The following RBFOX1 variants were observed in gnomAD, a reference collection of about 807,000 sequenced individuals.
RBFOX1 encodes RNA binding protein fox-1 homolog 1.
RBFOX1 carries 8 observed loss-of-function variants against 57.7 expected under a neutral mutation model. That is an observed-to-expected ratio of 0.14 (90% CI 0.08 to 0.25). RBFOX1 has a LOEUF of 0.25. RBFOX1 is among the 10% of genes least tolerant of loss of function. The pLI is 1.00. For synonymous variants in RBFOX1, 326 were observed against 222.4 expected (o/e 1.47, Z -4.15); for missense variants, 611 against 548.5 (o/e 1.11, Z -1.14).
At chr16:6,645,490 G>A (rs2098526382) in intron 2 of RBFOX1, among the ~76,000 whole-genome samples, 1 of 152,128 alleles carries the variant, frequency 6.6e-6, no homozygotes, top group African/African-American at 2.4e-5. Context: ...TGGCATCCTT[G>A]CATTGTGGGC....
At chr16:7,323,711 T>A (rs1197071612) in intron 4 of RBFOX1, among the ~76,000 whole-genome samples, 2 of 152,182 alleles carry the variant, frequency 1.3e-5, no homozygotes, top group Non-Finnish European at 2.9e-5. Flanking sequence ...AGATAACAGA[T>A]ACAATGAAAT....
chr16:6,898,892 G>C (rs1202877921), intron 3 of RBFOX1, among the ~76,000 whole-genome samples: 2 of 103,426 alleles, frequency 1.9e-5, no homozygotes, highest in African/African-American at 1.1e-4. Context: ...TAATACGTGT[G>C]TGCATCTCGT....
chr16:5,352,558 C>G (rs2065285802), intron 1 of RBFOX1, among the ~76,000 whole-genome samples: 1 of 152,156 alleles, frequency 6.6e-6, no homozygotes, highest in African/African-American at 2.4e-5. Flanking sequence ...TACATTTCAC[C>G]CTGAACGTTT....
At chr16:5,926,604 A>G (rs542146836) in intron 4 of RBFOX1, among the ~76,000 whole-genome samples, 2 of 152,288 alleles carry the variant, frequency 1.3e-5, no homozygotes, top group South Asian at 4.1e-4. Flanking sequence ...CCTTGGAAAA[A>G]TCACCTAAAT....
At chr16:7,402,789 C>G (rs2098267257) in intron 4 of RBFOX1, among the ~76,000 whole-genome samples, 1 of 152,158 alleles carries the variant, frequency 6.6e-6, no homozygotes, top group Non-Finnish European at 1.5e-5. Flanking sequence ...GGTGTAACCT[C>G]AACAGCAGGG....
In RBFOX1 at chr16:5,815,460, G is replaced by A. The variant is rs530818730; in HGVS notation, c.319-51843G>A. ...CTGTTGATCAGAAACCTCAGCCAGG[G>A]GTGCTAAGAAAAGAGCCTGAAAAAT... On this transcript the variant is annotated intron_variant, in intron 3 of 19. Coordinates refer to the RBFOX1 transcript ENST00000641259. 3.9e-5 allele frequency among the ~76,000 whole-genome samples: 6 copies of A among 152,070 alleles called. No homozygotes were observed. The South Asian group carries it at 1.2e-3, about 32-fold the overall frequency.
At chr16:7,639,693 G>C (rs973412398) in intron 11 of RBFOX1, among the ~76,000 whole-genome samples, 6 of 152,140 alleles carry the variant, frequency 3.9e-5, no homozygotes, top group African/African-American at 1.4e-4. Flanking sequence ...TTCACTGTTA[G>C]CACTGCCATT....
intron 3 of RBFOX1, among the ~76,000 whole-genome samples, chr16:6,926,400 G>A (rs1372487733): frequency 6.6e-6 from 1 of 152,180 alleles, no homozygotes. Context: ...TACCCACTGG[G>A]ATCCTCACCA....
chr16:6,483,398 T>C (rs1379740523), intron 2 of RBFOX1: 42 of 1,531,386 alleles, frequency 2.7e-5, no homozygotes, highest in Non-Finnish European at 3.7e-5. Context: ...ATGACTGGAG[T>C]CATTTACATT....
At chr16:7,172,308 G>A (rs1475019772) in intron 4 of RBFOX1, among the ~76,000 whole-genome samples, 2 of 152,066 alleles carry the variant, frequency 1.3e-5, no homozygotes, top group South Asian at 4.2e-4. Context: ...ATGCCCAGCA[G>A]TTTATCTCTT....
intron 1 of RBFOX1, among the ~76,000 whole-genome samples, chr16:6,076,480 T>G (rs913226423): frequency 6.6e-6 from 1 of 152,072 alleles, no homozygotes; most frequent in Admixed American, 6.6e-5. Context: ...TGTTTTTTTG[T>G]TTTTTGAGTT....
chr16:7,119,098 C>T (rs866767756), intron 4 of RBFOX1, among the ~76,000 whole-genome samples: 2 of 152,062 alleles, frequency 1.3e-5, no homozygotes, highest in African/African-American at 2.4e-5. Flanking sequence ...AAGCAACATG[C>T]GGAATCTAGG....
In RBFOX1 at chr16:7,701,027, T is replaced by C. The variant is rs185976246; in HGVS notation, c.996-8029T>C. Among the ~76,000 whole-genome samples, 475 of 152,074 alleles carry C rather than the reference T, an allele frequency of 3.1e-3. 3 individuals carry two copies. The highest frequency in any genetic ancestry group is 0.011 in the African/African-American group (452 of 41,498). On this transcript the variant is annotated intron_variant, in intron 14 of 15. Coordinates refer to ENST00000550418, the MANE Select transcript of RBFOX1 (RefSeq NM_018723.4). ...AAGTTCTGTGGCTTCTCATGTAGGG[T>C]CTAAAAAGCTCAGATGTGTTCCCTC...
At chr16:7,664,877 C>T in intron 12 of RBFOX1, 52 bp from the exon 13 acceptor site, 1 of 1,613,786 alleles carries the variant, frequency 6.2e-7, no homozygotes, top group South Asian at 1.1e-5. Flanking sequence ...GGTGTGTCTG[C>T]ATGGGAAATG....
At chr16:6,388,484 A>G (rs2092423038) in intron 2 of RBFOX1, among the ~76,000 whole-genome samples, 1 of 152,046 alleles carries the variant, frequency 6.6e-6, no homozygotes, top group Admixed American at 6.6e-5. Context: ...ATTATTTATT[A>G]TTTTTAATTA....
At chr16:7,418,436 C>T (rs2098505654) in intron 4 of RBFOX1, among the ~76,000 whole-genome samples, 1 of 152,218 alleles carries the variant, frequency 6.6e-6, no homozygotes, top group South Asian at 2.1e-4. Flanking sequence ...GAGGTGACCA[C>T]TGCCCCTTTA....
intron 3 of RBFOX1, among the ~76,000 whole-genome samples, chr16:6,826,261 C>T (rs2092123422): frequency 1.3e-5 from 2 of 152,078 alleles, no homozygotes; most frequent in South Asian, 4.1e-4. Flanking sequence ...CCTGTAATCC[C>T]AGCACTTTGG....
At chr16:5,583,626 G>C (rs564498781) in intron 2 of RBFOX1, among the ~76,000 whole-genome samples, 227 of 152,284 alleles carry the variant, frequency 1.5e-3, no homozygotes, top group African/African-American at 5.2e-3. Flanking sequence ...AGTTGAACTT[G>C]TCTGAAGTTT....
At chr16:6,108,327 C>T (rs1379731013) in intron 1 of RBFOX1, among the ~76,000 whole-genome samples, 1 of 152,102 alleles carries the variant, frequency 6.6e-6, no homozygotes, top group South Asian at 2.1e-4. Context: ...ATTTGGTACT[C>T]GTGTGACAAT....
Sources: gnomAD v4.1 joint callset for allele counts (sites outside exome capture counted in the v4.1 genomes callset) on GRCh38, gnomAD v4.1.1 for gene constraint, MANE v1.5 for transcripts, NCBI Gene and HGNC (gene_info 2026-07-23, HGNC 2026-07-21) for gene names.